PLCH2: variants seen among roughly 807,000 people sequenced by gnomAD.
PLCH2 encodes 1-phosphatidylinositol 4,5-bisphosphate phosphodiesterase eta-2.
In PLCH2, 98 loss-of-function variants were observed where a neutral mutation model predicts 134.7. The ratio of observed to expected loss-of-function variants is 0.73; its 90% CI spans 0.62 to 0.86. PLCH2 has a LOEUF of 0.86. PLCH2 is among the 40% of genes least tolerant of loss of function. PLCH2 has a pLI of 0.00. For synonymous variants in PLCH2, 974 were observed against 827.5 expected, an observed-to-expected ratio of 1.18 and a Z score of -3.04; for missense variants, 1,994 against 1,986.6, an observed-to-expected ratio of 1.00 and a Z score of -0.07.
chr1:2,428,945 C>T (rs1638936671), intron 1 of PLCH2, among the ~76,000 whole-genome samples: 1 of 152,104 alleles, frequency 6.6e-6, no homozygotes, highest in Non-Finnish European at 1.5e-5. Context: ...GTCCTGGGGG[C>T]CCCGGGGTGG....
intron 2 of PLCH2, among the ~76,000 whole-genome samples, chr1:2,432,456 C>T (rs988845812): frequency 1.3e-5 from 2 of 152,200 alleles, no homozygotes; most frequent in Non-Finnish European, 2.9e-5. Context: ...TTGCCTTACC[C>T]CAGTTCTTGT....
Position 2,489,573 on chromosome 1 carries a change from G to A in PLCH2, c.1408-187G>A, listed in dbSNP as rs560033674. 2.6e-5 allele frequency among the ~76,000 whole-genome samples: 4 copies of A among 152,222 alleles called. No individual in the cohort carries two copies. The South Asian group carries it at 8.3e-4, about 32-fold the overall frequency. On this transcript the variant is annotated intron_variant, in intron 9 of 21. Transcript: ENST00000378486. Reference sequence around the variant, plus strand: ...GCTCAGGCCCCTCATGCACATCCAGGCCTTTCCCTTCACGCTGCTGCAGCC... The same window carrying A: ...GCTCAGGCCCCTCATGCACATCCAGACCTTTCCCTTCACGCTGCTGCAGCC...
chr1:2,431,589 A>G (rs1639074655), intron 2 of PLCH2, among the ~76,000 whole-genome samples: 1 of 152,082 alleles, frequency 6.6e-6, no homozygotes, highest in African/African-American at 2.4e-5. Flanking sequence ...GAGCTTCCAG[A>G]GTCCTGGAGA....
chr1:2,450,799 G>A (rs1207457987), intron 2 of PLCH2, among the ~76,000 whole-genome samples: 1 of 141,242 alleles, frequency 7.1e-6, no homozygotes, highest in African/African-American at 2.7e-5. Flanking sequence ...CGCGTTCAAG[G>A]CCAAGCACGT....
At chr1:2,489,935 T>C in intron 10 of PLCH2, 68 bp downstream of exon 10, 1 of 1,176,558 alleles carries the variant, frequency 8.5e-7, no homozygotes, top group Non-Finnish European at 1.3e-6. Flanking sequence ...TGTCCGTCCT[T>C]GCTGTTGGGG....
At chr1:2,457,276 C>T (rs1640541942) in intron 2 of PLCH2, among the ~76,000 whole-genome samples, 1 of 152,118 alleles carries the variant, frequency 6.6e-6, no homozygotes, top group Non-Finnish European at 1.5e-5. Context: ...GGCCCGCCCT[C>T]CACTCAGTGG....
chr1:2,475,076 T>C (rs1177190604), upstream of PLCH2, among the ~76,000 whole-genome samples: 1 of 152,040 alleles, frequency 6.6e-6, no homozygotes, highest in Non-Finnish European at 1.5e-5. Flanking sequence ...GGTGGGGGCC[T>C]GGGTTGGCTC....
intron 2 of PLCH2, among the ~76,000 whole-genome samples, chr1:2,459,129 TG>T (rs1255428539): frequency 6.6e-6 from 1 of 152,250 alleles, no homozygotes; most frequent in Non-Finnish European, 1.5e-5. Flanking sequence ...TGATGCCAGG[TG>T]GTCAGTGGGT....
intron 8 of PLCH2, 119 bp from the exon 9 acceptor site, chr1:2,489,088 T>C: frequency 1.1e-6 from 1 of 895,854 alleles, no homozygotes; most frequent in Admixed American, 2.3e-5. Context: ...TATCCTGGGT[T>C]CCTGGTGAAG....
chr1:2,469,941 G>A (rs1452971016), intron 1 of PLCH2, among the ~76,000 whole-genome samples: 4 of 152,202 alleles, frequency 2.6e-5, no homozygotes, highest in Non-Finnish European at 4.4e-5. Flanking sequence ...ACGGTCACTG[G>A]AGACAACAGT....
At chr1:2,436,397 T>C (rs1365130622) in intron 2 of PLCH2, among the ~76,000 whole-genome samples, 3 of 36,488 alleles carry the variant, frequency 8.2e-5, no homozygotes, top group African/African-American at 1.6e-4. Context: ...TCCCTCCACC[T>C]TTCCTCCTTC....
intron 2 of PLCH2, among the ~76,000 whole-genome samples, chr1:2,431,750 C>A (rs930108782): frequency 3.9e-5 from 6 of 152,182 alleles, no homozygotes. Flanking sequence ...ACAGTCCCTG[C>A]CTCTCCGTTC....
At chr1:2,495,391 G>A in intron 12 of PLCH2, 97 bp from the exon 13 acceptor site, 1 of 1,020,040 alleles carries the variant, frequency 9.8e-7, no homozygotes, top group Non-Finnish European at 1.5e-6. Flanking sequence ...GGGCCGCTGG[G>A]GACCCCGGAG....
In PLCH2 at chr1:2,502,175, A is replaced by G; in HGVS notation, c.2725A>G (p.Ser909Gly). ...AGGCCCAAAGCCCGGCTCGCTGGAC[A>G]GTCATGCTGCTGGGCGGCCCCCGGC... ...LRGPKPGSLD[S>G]HAAGRPPARP... Residue 909 changes from serine (S) to glycine (G), a missense_variant, in exon 21 of 22, where the codon AGT becomes GGT. Around this residue, in one of 2 missense-constraint regions of PLCH2, gnomAD observed 900 missense variants for 752.3 expected, o/e 1.20. Coordinates refer to ENST00000378486, the MANE Select transcript of PLCH2 (RefSeq NM_014638.4). 6.6e-7 allele frequency: 1 copy of G among 1,521,332 alleles called. No individual in the cohort carries two copies. The highest frequency in any genetic ancestry group is 8.8e-7 in the Non-Finnish European group (1 of 1,136,960). The allele number at this position is 1,521,332 out of a possible 1,614,324, so 94.2% of individuals were successfully genotyped here. A position where few individuals can be genotyped will look rare whatever the true frequency, so the allele number is the denominator to read the frequency against.
intron 1 of PLCH2, among the ~76,000 whole-genome samples, chr1:2,426,742 A>G (rs1638815966): frequency 6.6e-6 from 1 of 152,142 alleles, no homozygotes; most frequent in African/African-American, 2.4e-5. Context: ...TCAGCCTCGC[A>G]CTTCCTGACA....
At chr1:2,427,262 G>A (rs1638844073) in intron 1 of PLCH2, among the ~76,000 whole-genome samples, 1 of 152,154 alleles carries the variant, frequency 6.6e-6, no homozygotes, top group Admixed American at 6.5e-5. Context: ...CTGGGGCCAG[G>A]AGGGCAGCTG....
At position 2,498,561 on chromosome 1, in the gene PLCH2, C is replaced by T; in HGVS notation, c.2263C>T (p.Gln755Ter). The change falls in exon 17 of 22, where the codon CAG becomes TAG. Residue 755 changes from glutamine (Q) to a stop codon, truncating the protein, a stop_gained. Coordinates refer to ENST00000378486, the MANE Select transcript of PLCH2 (RefSeq NM_014638.4). LOFTEE classifies it high-confidence loss of function. The surrounding 1 kb of genome is among the most constrained non-coding windows in gnomAD (Gnocchi z 5.4). ...CAACTCGGAGGACCCCCTGCCCGGGCAGCTCAAGAAGCAGCTGGTGCTCCG... is the reference window on the plus strand; with the variant it reads ...CAACTCGGAGGACCCCCTGCCCGGGTAGCTCAAGAAGCAGCTGGTGCTCCG... ...NPNSEDPLPG[Q>*]LKKQLVLRII... 6.2e-7 allele frequency: 1 copy of T among 1,606,668 alleles called. No individual in the cohort carries two copies.
intron 11 of PLCH2, chr1:2,494,520 A>G (rs1642766969): frequency 7.1e-6 from 3 of 421,362 alleles, no homozygotes; most frequent in Non-Finnish European, 4.4e-6. Context: ...TTACGTAGTC[A>G]CCACTGGTGG....
the PLCH2 span, among the ~76,000 whole-genome samples, chr1:2,416,062 C>G: frequency 6.6e-6 from 1 of 152,242 alleles, no homozygotes; most frequent in Admixed American, 6.5e-5. Context: ...GGCAGCCCCG[C>G]AGGTGATCTG....
Sources: allele counts gnomAD v4.1 joint callset (sites outside exome capture counted in the v4.1 genomes callset), GRCh38; gene constraint gnomAD v4.1.1; regional missense constraint gnomAD v4.1.1; non-coding constraint Gnocchi (gnomAD v3.1); transcripts MANE v1.5; gene names NCBI Gene and HGNC (gene_info 2026-07-23, HGNC 2026-07-21).